The following PEAK1 variants were observed in gnomAD, a reference collection of about 807,000 sequenced individuals.
The protein encoded by PEAK1 is pseudopodium enriched atypical kinase 1.
In PEAK1, 54 loss-of-function variants were observed where a neutral mutation model predicts 124.7. The ratio of observed to expected loss-of-function variants is 0.43; its 90% CI spans 0.35 to 0.54. The LOEUF (loss-of-function observed/expected upper bound fraction) is 0.54. Ranked by LOEUF, PEAK1 falls within the 20% of genes least tolerant of loss-of-function variation. The probability of loss-of-function intolerance (pLI) is 0.01; values close to 1 mark genes in which losing one functional copy is unlikely to be tolerated. For missense variants in PEAK1, 2,046 were observed against 2,134.5 expected (o/e 0.96, Z 0.82); for synonymous variants, 719 against 760.0 (o/e 0.95, Z 0.89).
intron 8 of PEAK1, among the ~76,000 whole-genome samples, chr15:77,145,364 G>A (rs1441398004): frequency 2.6e-5 from 4 of 152,086 alleles, no homozygotes; most frequent in South Asian, 2.1e-4. Context: ...CATGAGAATC[G>A]CTTGAACCTG....
At chr15:77,337,393 T>C (rs188331381) in intron 2 of PEAK1, 3 of 949,068 alleles carry the variant, frequency 3.2e-6, no homozygotes, top group Non-Finnish European at 3.8e-6. Flanking sequence ...TTGAAGATTA[T>C]AATAATGTAA....
At chr15:77,151,793 T>A (rs1464396184) in intron 8 of PEAK1, among the ~76,000 whole-genome samples, 1 of 152,224 alleles carries the variant, frequency 6.6e-6, no homozygotes, top group African/African-American at 2.4e-5. Context: ...CTTGTTTTTG[T>A]CAGGTTTGTC....
chr15:77,332,602 A>T (rs996482833), intron 2 of PEAK1, among the ~76,000 whole-genome samples: 1 of 152,096 alleles, frequency 6.6e-6, no homozygotes, highest in Non-Finnish European at 1.5e-5. Flanking sequence ...TGAGTCTCAA[A>T]AAATAAATAA....
intron 1 of PEAK1, chr15:77,401,562 A>T: frequency 1.0e-6 from 1 of 978,928 alleles, no homozygotes; most frequent in South Asian, 4.7e-5. Flanking sequence ...AAAACTCAAC[A>T]CAAAAATTGT....
intron 8 of PEAK1, chr15:77,155,363 G>C (rs1053833560): frequency 6.6e-6 from 1 of 152,072 alleles, no homozygotes; most frequent in Non-Finnish European, 1.5e-5. Context: ...TCTCTGCATT[G>C]GTTATTCTAG....
At chr15:77,145,102 T>C (rs1045074835) in intron 8 of PEAK1, among the ~76,000 whole-genome samples, 2 of 152,244 alleles carry the variant, frequency 1.3e-5, no homozygotes, top group African/African-American at 4.8e-5. Flanking sequence ...CAAAACTTAC[T>C]TTTCTCTTTT....
chr15:77,366,992 G>GGTGT (rs1331717017), intron 1 of PEAK1, among the ~76,000 whole-genome samples: 1 of 152,102 alleles, frequency 6.6e-6, no homozygotes, highest in Non-Finnish European at 1.5e-5. Context: ...AAATTAGCTG[G>GGTGT]GTGTGGTGGT....
rs146877788 is a variant in PEAK1 at position 77,230,742 on chromosome 15, A to AGGATC, written c.-115+21620_-115+21624dup. ...TGAGATTCTGTCTCACTGTGGCGGG[A>AGGATC]GGATCACTTGAGTCCAGCAGTTTGA... On this transcript the variant is annotated intron_variant, in intron 6 of 9. Coordinates refer to ENST00000682557, the MANE Select transcript of PEAK1 (RefSeq NM_001385026.1). 1.5e-3 allele frequency among the ~76,000 whole-genome samples: 225 copies of AGGATC among 152,040 alleles called. 1 individual carries two copies. Among genetic ancestry groups the AGGATC allele is most frequent in the Non-Finnish European group, 2.3e-3 (158 of 67,948 alleles).
intron 7 of PEAK1, among the ~76,000 whole-genome samples, chr15:77,177,087 G>A (rs2056929283): frequency 6.6e-6 from 1 of 152,044 alleles, no homozygotes; most frequent in Non-Finnish European, 1.5e-5. Context: ...CTCCCAAGTA[G>A]CTAGGATTAC....
At chr15:77,391,757 G>A (rs2070478466) in intron 1 of PEAK1, among the ~76,000 whole-genome samples, 2 of 152,212 alleles carry the variant, frequency 1.3e-5, no homozygotes, top group East Asian at 1.9e-4. Flanking sequence ...CTGCCAACTC[G>A]TGACATTGTA....
In PEAK1 at chr15:77,229,764, C is replaced by T. The variant is rs185760084; in HGVS notation, c.-115+22603G>A. Among the ~76,000 whole-genome samples, 714 of 152,090 alleles carry T rather than the reference C, an allele frequency of 4.7e-3. 5 individuals carry two copies. Among genetic ancestry groups the T allele is most frequent in the Non-Finnish European group, 7.8e-3 (531 of 68,008 alleles). Reference sequence around the variant, plus strand: ...CCGGATTCAATCTATTCTCCTGCCTCAGCCTCCTGAGTAACTGGGATTACA... The same window carrying T: ...CCGGATTCAATCTATTCTCCTGCCTTAGCCTCCTGAGTAACTGGGATTACA... On this transcript the variant is annotated intron_variant, in intron 6 of 9. Transcript: ENST00000682557.
At chr15:77,214,868 G>A (rs535213147) in intron 6 of PEAK1, among the ~76,000 whole-genome samples, 6 of 152,082 alleles carry the variant, frequency 3.9e-5, no homozygotes, top group South Asian at 2.1e-4. Flanking sequence ...GGAGTCCTCC[G>A]GCCTCATGAT....
chr15:77,399,572 C>T (rs572539246), intron 1 of PEAK1, among the ~76,000 whole-genome samples: 3 of 152,212 alleles, frequency 2.0e-5, no homozygotes, highest in African/African-American at 7.2e-5. Flanking sequence ...TTAGGACAGT[C>T]TCTTCAGTAA....
intron 2 of PEAK1, chr15:77,348,153 G>C: frequency 1.0e-6 from 1 of 983,318 alleles, no homozygotes; most frequent in Non-Finnish European, 1.2e-6. Context: ...GAGGTATATG[G>C]CAATGTGTCT....
At chr15:77,201,213 A>C (rs1297579875) in intron 6 of PEAK1, among the ~76,000 whole-genome samples, 1 of 151,010 alleles carries the variant, frequency 6.6e-6, no homozygotes, top group African/African-American at 2.4e-5. Flanking sequence ...TTACTGTATA[A>C]ATTGATAAGC....
intron 1 of PEAK1, among the ~76,000 whole-genome samples, chr15:77,382,744 T>C (rs534036324): frequency 6.6e-6 from 1 of 152,352 alleles, no homozygotes; most frequent in South Asian, 2.1e-4. Context: ...GTATTCTTCC[T>C]ATTAACTTGA....
intron 5 of PEAK1, among the ~76,000 whole-genome samples, chr15:77,281,475 T>C (rs17383727): frequency 0.27 from 41,195 of 152,104 alleles, 6,652 homozygotes; most frequent in Middle Eastern, 0.38. Context: ...TATATTAAAA[T>C]GTTCTGTTTA....
At chr15:77,347,440 A>G (rs2066932663) in intron 2 of PEAK1, 10 of 985,398 alleles carry the variant, frequency 1.0e-5, no homozygotes, top group Non-Finnish European at 1.2e-5. Flanking sequence ...CTCAAAAGCA[A>G]TATTGTTCTA....
At chr15:77,265,903 A>G (rs1432782482) in intron 5 of PEAK1, among the ~76,000 whole-genome samples, 1 of 152,220 alleles carries the variant, frequency 6.6e-6, no homozygotes, top group African/African-American at 2.4e-5. Context: ...TGGCACGTAT[A>G]CACCATGGAA....
Sources: allele counts gnomAD v4.1 joint callset (sites outside exome capture counted in the v4.1 genomes callset), GRCh38; gene constraint gnomAD v4.1.1; transcripts MANE v1.5; gene names NCBI Gene and HGNC (gene_info 2026-07-23, HGNC 2026-07-21).